Variants in SERHL2 observed in about 807,000 individuals in gnomAD.
SERHL2 encodes serine hydrolase like 2, also known as serine hydrolase-like protein 2.
A neutral mutation model predicts 25.5 loss-of-function variants in SERHL2; 29 were observed. The observed-to-expected ratio is 1.14, with a 90% confidence interval of 0.85 to 1.55. The LOEUF (loss-of-function observed/expected upper bound fraction) is 1.55, where lower values mean the gene tolerates loss of function less well. Among genes scored for constraint, SERHL2 ranks in the 40% most tolerant of loss-of-function variants. The pLI is 0.00. For missense variants in SERHL2, 240 were observed against 252.3 expected, an observed-to-expected ratio of 0.95 and a Z score of 0.33; for synonymous variants, 95 against 103.5, an observed-to-expected ratio of 0.92 and a Z score of 0.50.
intron 9 of SERHL2, among the ~76,000 whole-genome samples, chr22:42,567,481 G>GGT (rs896415634): frequency 5.3e-5 from 8 of 151,372 alleles, no homozygotes; most frequent in Non-Finnish European, 1.0e-4. Flanking sequence ...TGGCTAACAA[G>GGT]GTGAAACCCC....
chr22:42,556,018 G>C, intron 4 of SERHL2, 46 bp from the exon 5 acceptor site: 1 of 492,068 alleles, frequency 2.0e-6, no homozygotes, highest in Non-Finnish European at 3.2e-6. Flanking sequence ...GTATGCAGCT[G>C]GGGAGGGAGT....
chr22:42,572,345 C>T, intron 10 of SERHL2, 91 bp from the exon 11 acceptor site: 1 of 922,144 alleles, frequency 1.1e-6, no homozygotes, highest in African/African-American at 1.7e-5. Context: ...TTGGTTTCTC[C>T]TCAGAGGCCT....
chr22:42,568,593 C>A (rs1249956442), intron 9 of SERHL2, among the ~76,000 whole-genome samples: 1 of 151,974 alleles, frequency 6.6e-6, no homozygotes. Context: ...TTCGTTAGGA[C>A]ATAAACTAAA....
chr22:42,572,032 A>G (rs1439631142), intron 10 of SERHL2: 2 of 154,168 alleles, frequency 1.3e-5, no homozygotes, highest in African/African-American at 2.4e-5. Context: ...TGTAATTGTG[A>G]CGATGGTCTC....
chr22:42,570,392 C>CG (rs1279266530), intron 9 of SERHL2, among the ~76,000 whole-genome samples: 8 of 151,980 alleles, frequency 5.3e-5, no homozygotes, highest in Non-Finnish European at 8.8e-5. Context: ...CATTCCAGCC[C>CG]GGGCACCAAG....
chr22:42,568,591 G>T (rs1923730858), intron 9 of SERHL2, among the ~76,000 whole-genome samples: 1 of 151,932 alleles, frequency 6.6e-6, no homozygotes, highest in Non-Finnish European at 1.5e-5. Flanking sequence ...ACTTCGTTAG[G>T]ACATAAACTA....
In SERHL2 at chr22:42,574,058, C is replaced by T; in HGVS notation, c.*3C>T. 4 of 1,612,474 alleles carry T rather than the reference C, an allele frequency of 2.5e-6. No individual in the cohort carries two copies. The highest frequency in any genetic ancestry group is 3.4e-6 in the Non-Finnish European group (4 of 1,178,922). ...ACATGCTCCCAGCCCAGCTGTAGCT[C>T]TGGGCCTGGAACTATGAAGACCTAG... On this transcript the variant is annotated 3_prime_UTR_variant, in exon 12 of 12. Coordinates refer to ENST00000327678, the MANE Select transcript of SERHL2 (RefSeq NM_014509.5).
At chr22:42,560,380 C>T (rs139417319) in intron 8 of SERHL2, 115 bp downstream of exon 8, 36 of 737,520 alleles carry the variant, frequency 4.9e-5, no homozygotes, top group Non-Finnish European at 7.9e-5. Context: ...CAGCATCTCA[C>T]TGAATCCCCC....
chr22:42,572,839 A>G (rs375684570), intron 11 of SERHL2: 1 of 451,858 alleles, frequency 2.2e-6, no homozygotes, highest in African/African-American at 2.1e-5. Context: ...TAATTTTTAT[A>G]TTTTATATTT....
rs1453136967 is a variant in SERHL2, at chr22:42,566,650, TAC to T, written c.648+314_648+315del. ...AAGTATGCACTTCAGTGGCATTAAA[TAC>T]AGTCGATGGAGGTGAGGAGAGGAGG... On this transcript the variant is annotated intron_variant, in intron 9 of 11. Transcript: ENST00000327678. 2.0e-5 allele frequency among the ~76,000 whole-genome samples: 3 copies of T among 151,908 alleles called. 1 individual carries two copies. Among genetic ancestry groups the T allele is most frequent in the Middle Eastern group, 6.3e-3 (2 of 316 alleles).
At position 42,566,497 on chromosome 22, in the gene SERHL2, A is replaced by C. The variant is rs909943601; in HGVS notation, c.648+159A>C. On this transcript the variant is annotated intron_variant, in intron 9 of 11. Transcript: ENST00000327678. ...CGCTTGAATGGGAGGCAGAGGTTGC[A>C]TTGAGCCGAGATAGCACCACTGCAC... Among the ~76,000 whole-genome samples, 7 of 151,338 alleles carry C rather than the reference A, an allele frequency of 4.6e-5. 1 individual carries two copies. Among genetic ancestry groups the C allele is most frequent in the South Asian group, 2.1e-4 (1 of 4,818 alleles).
chr22:42,561,585 C>T (rs944174206), intron 8 of SERHL2, among the ~76,000 whole-genome samples: 3 of 151,628 alleles, frequency 2.0e-5, no homozygotes, highest in Non-Finnish European at 4.4e-5. Flanking sequence ...CCCTGGTAGG[C>T]AGCTGGGCCG....
rs1402905062 is a variant in SERHL2, at chr22:42,574,122, C to T, written c.*67C>T. 1 of 1,455,646 alleles carries T rather than the reference C, an allele frequency of 6.9e-7. No individual in the cohort carries two copies. Among genetic ancestry groups the T allele is most frequent in the Non-Finnish European group, 9.6e-7 (1 of 1,044,710 alleles). 90.2% of individuals were successfully genotyped at this position (1,455,646 alleles called of 1,614,324 possible). A position where few individuals can be genotyped will look rare whatever the true frequency, so the allele number is the denominator to read the frequency against. On this transcript the variant is annotated 3_prime_UTR_variant, in exon 12 of 12. Transcript: ENST00000327678. ...AACACTGGGACTCTGAGTTCCTGAG[C>T]CCCACAACAAGGCCAGGGATGGTGG...
chr22:42,570,490 A>C (rs879347811), intron 9 of SERHL2, among the ~76,000 whole-genome samples: 4 of 152,198 alleles, frequency 2.6e-5, no homozygotes, highest in Non-Finnish European at 4.4e-5. Flanking sequence ...TAATCAACAT[A>C]AAGCTTGATT....
Position 42,572,462 on chromosome 22 carries a change from G to C in SERHL2, c.758G>C (p.Arg253Thr). 6.2e-7 allele frequency: 1 copy of C among 1,611,750 alleles called. No homozygotes were observed. Among genetic ancestry groups the C allele is most frequent in the South Asian group, 1.1e-5 (1 of 90,992 alleles). The part of the protein sequence containing the change: ...IKAVHGYFDS[R>T]QNYSEKESLS... ...GCAGTCCACGGATATTTTGATTCAA[G>C]ACAGAATTACTCTGAGAAGGAGTCC... Residue 253 changes from arginine to threonine, a missense_variant, in exon 11 of 12, where the codon AGA (arginine) becomes ACA (threonine). By Grantham distance (71) the Arg-to-Thr change is moderately conservative (BLOSUM62 -1). Coordinates refer to ENST00000327678, the MANE Select transcript of SERHL2 (RefSeq NM_014509.5).
chr22:42,562,343 A>G (rs1830406331), intron 8 of SERHL2, among the ~76,000 whole-genome samples: 1 of 151,732 alleles, frequency 6.6e-6, no homozygotes, highest in Admixed American at 6.6e-5. Flanking sequence ...TGGAGCTTAA[A>G]CAACCAAGAC....
chr22:42,563,288 T>C, intron 8 of SERHL2: 1 of 233,466 alleles, frequency 4.3e-6, no homozygotes, highest in Non-Finnish European at 9.1e-6. Flanking sequence ...ACTGCAGCCT[T>C]GGCCTCATGG....
intron 8 of SERHL2, among the ~76,000 whole-genome samples, chr22:42,564,727 G>C (rs139541704): frequency 0.011 from 1,600 of 152,004 alleles, 24 homozygotes; most frequent in African/African-American, 0.037. Context: ...CACCGCACCC[G>C]GCCTGAGGAT....
At chr22:42,562,224 C>A (rs533264543) in intron 8 of SERHL2, among the ~76,000 whole-genome samples, 15 of 151,948 alleles carry the variant, frequency 9.9e-5, no homozygotes, top group Non-Finnish European at 2.1e-4. Context: ...GTAGGTTCCT[C>A]CCAAATGCTT....
Sources: gnomAD v4.1 joint callset for allele counts (sites outside exome capture counted in the v4.1 genomes callset) on GRCh38, gnomAD v4.1.1 for gene constraint, MANE v1.5 for transcripts, NCBI Gene and HGNC (gene_info 2026-07-23, HGNC 2026-07-21) for gene names.